AKAP19: variants seen among roughly 807,000 people sequenced by gnomAD.
The protein encoded by AKAP19 is small A-kinase anchoring protein.
chr2:190,088,216 G>A, the AKAP19 span, among the ~76,000 whole-genome samples: 3 of 152,170 alleles, frequency 2.0e-5, no homozygotes, highest in East Asian at 5.8e-4. Context: ...GAGAGTGAAT[G>A]CACAAACCCC....
At chr2:190,168,625 T>C in the AKAP19 span, among the ~76,000 whole-genome samples, 13,592 of 152,276 alleles carry the variant, frequency 0.089, 677 homozygotes, top group Middle Eastern at 0.12. Context: ...ACCTCTTGAA[T>C]GCTTTGCTGC....
chr2:190,005,917 G>A, the AKAP19 span, among the ~76,000 whole-genome samples: 1 of 152,138 alleles, frequency 6.6e-6, no homozygotes, highest in East Asian at 1.9e-4. Context: ...AGTCTGGATT[G>A]GGAAGAAGAG....
chr2:189,991,732 C>T, the AKAP19 span, among the ~76,000 whole-genome samples: 1 of 152,036 alleles, frequency 6.6e-6, no homozygotes, highest in African/African-American at 2.4e-5. Flanking sequence ...TTGTTTTTGT[C>T]ACATTTGCTT....
chr2:190,100,120 G>A, the AKAP19 span, among the ~76,000 whole-genome samples: 16 of 152,286 alleles, frequency 1.1e-4, no homozygotes, highest in South Asian at 1.2e-3. Context: ...AGATAAATCC[G>A]GGAGTCATAA....
the AKAP19 span, chr2:189,924,226 G>A: frequency 1.3e-6 from 2 of 1,515,044 alleles, no homozygotes; most frequent in South Asian, 1.1e-5. Flanking sequence ...AGCACATAGT[G>A]GGGTTTAGAA....
At chr2:190,177,068 T>C in the AKAP19 span, among the ~76,000 whole-genome samples, 1 of 152,218 alleles carries the variant, frequency 6.6e-6, no homozygotes, top group Non-Finnish European at 1.5e-5. The surrounding 1 kb of genome is among the most constrained non-coding windows in gnomAD (Gnocchi z 4.6). Context: ...AAAAATGAGT[T>C]TCCTCAATGG....
chr2:190,054,721 GA>G, the AKAP19 span, among the ~76,000 whole-genome samples: 1 of 152,248 alleles, frequency 6.6e-6, no homozygotes, highest in East Asian at 1.9e-4. Context: ...AAAGACACAT[GA>G]AAAAATGCTC....
At chr2:189,900,182 A>G in the AKAP19 span, among the ~76,000 whole-genome samples, 1 of 152,192 alleles carries the variant, frequency 6.6e-6, no homozygotes, top group Non-Finnish European at 1.5e-5. Flanking sequence ...TGTTTCCAAT[A>G]TTTTTAATTA....
chr2:190,125,004 T>C, the AKAP19 span, among the ~76,000 whole-genome samples: 1 of 152,190 alleles, frequency 6.6e-6, no homozygotes, highest in East Asian at 1.9e-4. Flanking sequence ...CTGGAAGTTT[T>C]TGAGGGGCAG....
the AKAP19 span, among the ~76,000 whole-genome samples, chr2:190,077,452 C>CATG: frequency 1.6e-5 from 2 of 124,454 alleles, no homozygotes; most frequent in East Asian, 2.7e-4. Flanking sequence ...AAAATGTTAA[C>CATG]ATGTTAACAT....
chr2:190,068,917 T>A, the AKAP19 span, among the ~76,000 whole-genome samples: 1 of 152,096 alleles, frequency 6.6e-6, no homozygotes, highest in Non-Finnish European at 1.5e-5. Flanking sequence ...CCAGTGCAGC[T>A]TTTGCATTTA....
the AKAP19 span, among the ~76,000 whole-genome samples, chr2:189,961,804 C>A: frequency 1.3e-5 from 2 of 151,248 alleles, no homozygotes; most frequent in Admixed American, 6.6e-5. Context: ...CCCAGCTACT[C>A]GGGAGGCTGA....
At chr2:190,181,652 C>CT in the AKAP19 span, among the ~76,000 whole-genome samples, 1 of 152,142 alleles carries the variant, frequency 6.6e-6, no homozygotes, top group Non-Finnish European at 1.5e-5. Flanking sequence ...TGTCTCTGGT[C>CT]TGACACCAGC....
chr2:189,972,086 G>A, the AKAP19 span, among the ~76,000 whole-genome samples: 1 of 152,142 alleles, frequency 6.6e-6, no homozygotes, highest in Non-Finnish European at 1.5e-5. Context: ...TATTGCCTAG[G>A]TTTTCTTCTA....
At chr2:190,057,742 T>G in the AKAP19 span, 6 of 1,229,752 alleles carry the variant, frequency 4.9e-6, no homozygotes, top group Non-Finnish European at 7.1e-6. Context: ...ATAATTTTGC[T>G]CATACCACAT....
At chr2:190,045,559 A>G in the AKAP19 span, among the ~76,000 whole-genome samples, 1 of 151,964 alleles carries the variant, frequency 6.6e-6, no homozygotes, top group Admixed American at 6.5e-5. Flanking sequence ...CCCCTGGCCC[A>G]TACTCTCCAA....
the AKAP19 span, among the ~76,000 whole-genome samples, chr2:190,036,700 G>A: frequency 1.3e-4 from 19 of 151,976 alleles, no homozygotes; most frequent in African/African-American, 4.1e-4. Context: ...CTTTGGTATC[G>A]TGTAGAATAG....
At chr2:190,147,667 A>G in the AKAP19 span, among the ~76,000 whole-genome samples, 1 of 38,076 alleles carries the variant, frequency 2.6e-5, no homozygotes. Flanking sequence ...GTTGTCTGTG[A>G]TTTCTATCAG....
chr2:190,104,844 G>A, the AKAP19 span, among the ~76,000 whole-genome samples: 7 of 151,936 alleles, frequency 4.6e-5, no homozygotes, highest in East Asian at 1.9e-4. Flanking sequence ...GAACAGACAC[G>A]TCTCAAAAGA....
Sources: allele counts gnomAD v4.1 joint callset (sites outside exome capture counted in the v4.1 genomes callset), GRCh38; gene constraint gnomAD v4.1.1; non-coding constraint Gnocchi (gnomAD v3.1); transcripts MANE v1.5; gene names NCBI Gene and HGNC (gene_info 2026-07-23, HGNC 2026-07-21).